CPAMD8: variants seen among roughly 807,000 people sequenced by gnomAD.
The protein encoded by CPAMD8 is C3 and PZP like alpha-2-macroglobulin domain containing 8, also known as C3 and PZP-like alpha-2-macroglobulin domain-containing protein 8.
CPAMD8 carries 146 observed loss-of-function variants against 224.7 expected under a neutral mutation model. The ratio of observed to expected loss-of-function variants is 0.65; its 90% CI spans 0.57 to 0.75. The LOEUF (loss-of-function observed/expected upper bound fraction) is 0.75, where lower values mean the gene tolerates loss of function less well. Among genes scored for constraint, CPAMD8 ranks in the 30% least tolerant of loss-of-function variants. The probability of loss-of-function intolerance (pLI) is 0.00; values close to 1 mark genes in which losing one functional copy is unlikely to be tolerated. For synonymous variants in CPAMD8, 966 were observed against 1,044.6 expected, an observed-to-expected ratio of 0.92 and a Z score of 1.45; for missense variants, 2,301 against 2,537.5, an observed-to-expected ratio of 0.91 and a Z score of 2.00.
intron 35 of CPAMD8, 106 bp downstream of exon 35, chr19:16,902,543 C>T (rs1425093184): frequency 4.4e-6 from 3 of 684,934 alleles, no homozygotes; most frequent in Non-Finnish European, 7.7e-6. Flanking sequence ...ACAAAAACCA[C>T]CACTGAGTGC....
At chr19:16,905,540 CAAAAAA>C (rs5827346) in intron 30 of CPAMD8, among the ~76,000 whole-genome samples, 12 of 80,406 alleles carry the variant, frequency 1.5e-4, no homozygotes, top group Admixed American at 5.3e-4. Context: ...AACTCCGTTT[CAAAAAA>C]AAAAAAAAAA....
intron 27 of CPAMD8, among the ~76,000 whole-genome samples, chr19:16,921,443 C>T (rs1166677892): frequency 2.0e-5 from 3 of 152,054 alleles, no homozygotes; most frequent in African/African-American, 7.3e-5. Flanking sequence ...CCCAGGGGCC[C>T]TCCCTGCCCT....
intron 17 of CPAMD8, among the ~76,000 whole-genome samples, chr19:16,973,500 C>G (rs1475039911): frequency 2.0e-5 from 3 of 151,962 alleles, no homozygotes; most frequent in Non-Finnish European, 2.9e-5. Context: ...AGGCGCCCAC[C>G]ACCACACCCA....
chr19:16,913,001 C>CT (rs1441148057), intron 29 of CPAMD8, among the ~76,000 whole-genome samples: 1 of 152,194 alleles, frequency 6.6e-6, no homozygotes, highest in Admixed American at 6.5e-5. Context: ...GCCCAGCTAT[C>CT]ATACAGGGCC....
chr19:16,904,176 A>AGCCCCCC, intron 32 of CPAMD8, 50 bp downstream of exon 32: 6 of 937,332 alleles, frequency 6.4e-6, no homozygotes, highest in Non-Finnish European at 8.4e-6. Flanking sequence ...GACTGCAGGG[A>AGCCCCCC]CCCCACCCAC....
intron 26 of CPAMD8, among the ~76,000 whole-genome samples, chr19:16,923,084 G>A (rs896128453): frequency 1.3e-5 from 2 of 152,238 alleles, no homozygotes; most frequent in Non-Finnish European, 1.5e-5. Context: ...GGGAAGCTCA[G>A]AGAACTGGTG....
intron 18 of CPAMD8, among the ~76,000 whole-genome samples, chr19:16,967,145 A>C (rs1301156086): frequency 6.6e-6 from 1 of 152,096 alleles, no homozygotes; most frequent in Non-Finnish European, 1.5e-5. Flanking sequence ...TACACCATGG[A>C]ATACTATGCA....
chr19:16,931,976 C>A (rs900515341), intron 23 of CPAMD8, among the ~76,000 whole-genome samples: 1 of 152,030 alleles, frequency 6.6e-6, no homozygotes, highest in Non-Finnish European at 1.5e-5. Flanking sequence ...TTGGAAGAAG[C>A]GACTGTTACA....
intron 20 of CPAMD8, 73 bp from the exon 21 acceptor site, chr19:16,947,300 A>G (rs1201666265): frequency 1.3e-6 from 2 of 1,525,642 alleles, no homozygotes; most frequent in African/African-American, 2.7e-5. Flanking sequence ...CCCAACACAC[A>G]TCCCACCACT....
At chr19:16,920,469 G>A (rs2053129275) in intron 27 of CPAMD8, among the ~76,000 whole-genome samples, 1 of 152,060 alleles carries the variant, frequency 6.6e-6, no homozygotes, top group Non-Finnish European at 1.5e-5. Context: ...GACAGAGCGA[G>A]ACTCCGTCTC....
chr19:16,991,315 T>C (rs2055941474), intron 12 of CPAMD8, among the ~76,000 whole-genome samples: 1 of 152,052 alleles, frequency 6.6e-6, no homozygotes, highest in African/African-American at 2.4e-5. Context: ...GGTGGTAGGG[T>C]AGTGGAATTT....
chr19:16,985,666 G>C (rs1244886286), intron 13 of CPAMD8, among the ~76,000 whole-genome samples: 1 of 150,026 alleles, frequency 6.7e-6, no homozygotes, highest in Non-Finnish European at 1.5e-5. Context: ...TGAATAGATA[G>C]ATGGAGGATG....
intron 18 of CPAMD8, among the ~76,000 whole-genome samples, chr19:16,963,089 T>C (rs933844658): frequency 1.3e-5 from 2 of 152,192 alleles, no homozygotes; most frequent in East Asian, 1.9e-4. Context: ...TGCAAAAATA[T>C]GCCAGATTGT....
At chr19:16,972,313 A>G (rs2055090996) in intron 17 of CPAMD8, among the ~76,000 whole-genome samples, 1 of 152,092 alleles carries the variant, frequency 6.6e-6, no homozygotes, top group African/African-American at 2.4e-5. Flanking sequence ...AGAGGAGTGC[A>G]CCACCATGCC....
At chr19:16,938,896 C>T (rs2053785895) in intron 22 of CPAMD8, among the ~76,000 whole-genome samples, 1 of 152,206 alleles carries the variant, frequency 6.6e-6, no homozygotes, top group Non-Finnish European at 1.5e-5. Context: ...GTCTGTCTAC[C>T]ACATCTCTTG....
Position 17,011,616 on chromosome 19 carries a change from G to C in CPAMD8, c.409C>G (p.Pro137Ala), listed in dbSNP as rs757953853. ...CCTCGGTGCTGGGGTCTGTACACAG[G>C]CTTGTCCGTCTGGATGAATACAGAA... ...GASVFIQTDK[P>A]VYRPQHRVLI... Residue 137 changes from proline to alanine, a missense_variant, in exon 4 of 42, where the codon CCT (proline) becomes GCT (alanine). This residue lies in a region of CPAMD8 where 283 missense variants were observed against 340.6 expected (regional missense o/e 0.83). Coordinates refer to ENST00000443236, the MANE Select transcript of CPAMD8 (RefSeq NM_015692.5). The C allele has an allele frequency of 6.8e-6, 11 of 1,614,082 alleles. No individual in the cohort carries two copies. Among genetic ancestry groups the C allele is most frequent in the African/African-American group, 1.3e-5 (1 of 74,932 alleles).
Position 16,969,104 on chromosome 19 carries a change from G to C in CPAMD8, c.2213+1787C>G, listed in dbSNP as rs573518052. ...AACTCTCTAAACAGAGTCTCTGAGA[G>C]TTGGGAGATCAAGCCCCAGGTTCTC... is the stretch of plus-strand genomic sequence containing the variant. On this transcript the variant is annotated intron_variant, in intron 18 of 41. Transcript: ENST00000443236. 6.9e-3 allele frequency among the ~76,000 whole-genome samples: 1,047 copies of C among 152,326 alleles called. 12 individuals carry two copies. Among genetic ancestry groups the C allele is most frequent in the Middle Eastern group, 0.017 (5 of 294 alleles).
chr19:16,912,794 G>A (rs979976907), intron 29 of CPAMD8, among the ~76,000 whole-genome samples: 2 of 152,048 alleles, frequency 1.3e-5, no homozygotes, highest in African/African-American at 4.8e-5. Context: ...TCATAAAAGT[G>A]TACATATCTT....
rs200039066 is a variant in CPAMD8, at chr19:16,920,855, C to CAA, written c.3629+1048_3629+1049dup. ...TGGGGAACAGAGTTAGACTCTATCT[C>CAA]AAAAAAAAAAAAAAAAAAAAAAAAG... On this transcript the variant is annotated intron_variant, in intron 27 of 41. Coordinates refer to ENST00000443236, the MANE Select transcript of CPAMD8 (RefSeq NM_015692.5). 3.8e-3 allele frequency among the ~76,000 whole-genome samples: 448 copies of CAA among 118,844 alleles called. 2 individuals carry two copies. Among genetic ancestry groups the CAA allele is most frequent in the African/African-American group, 0.016 (398 of 25,378 alleles). The allele number at this position is 118,844 out of a possible 152,430, so 78.0% of individuals were successfully genotyped here.
Sources: gnomAD v4.1 joint callset for allele counts (sites outside exome capture counted in the v4.1 genomes callset) on GRCh38, gnomAD v4.1.1 for gene constraint, gnomAD v4.1.1 regional missense constraint, MANE v1.5 for transcripts, NCBI Gene and HGNC (gene_info 2026-07-23, HGNC 2026-07-21) for gene names.